The following PTPRT variants were observed in gnomAD, a reference collection of about 807,000 sequenced individuals.
PTPRT encodes protein tyrosine phosphatase receptor type T.
Under a neutral mutation model 176.8 loss-of-function variants are expected in PTPRT, and 56 were observed. That is an observed-to-expected ratio of 0.32 (90% CI 0.26 to 0.40). PTPRT has a LOEUF of 0.40. Ranked by LOEUF, PTPRT falls within the 10% of genes least tolerant of loss-of-function variation. The pLI is 1.00. For missense variants in PTPRT, 1,540 were observed against 1,908.2 expected (o/e 0.81, Z 3.60); for synonymous variants, 783 against 739.0 (o/e 1.06, Z -0.96).
intron 18 of PTPRT, among the ~76,000 whole-genome samples, chr20:42,134,955 T>C (rs928607039): frequency 6.6e-6 from 1 of 152,210 alleles, no homozygotes; most frequent in Non-Finnish European, 1.5e-5. Flanking sequence ...TGCACTGTGT[T>C]CACTCTGACC....
At chr20:42,851,925 A>G (rs1209479899) in intron 2 of PTPRT, among the ~76,000 whole-genome samples, 1 of 152,162 alleles carries the variant, frequency 6.6e-6, no homozygotes, top group Non-Finnish European at 1.5e-5. Context: ...TAATTATATA[A>G]TCTATTATTT....
intron 1 of PTPRT, among the ~76,000 whole-genome samples, chr20:42,948,677 C>T (rs1981040084): frequency 6.6e-6 from 1 of 152,136 alleles, no homozygotes. Flanking sequence ...AAACTGATGA[C>T]CTCATGTGAG....
chr20:42,243,420 G>A (rs745604884), intron 14 of PTPRT, among the ~76,000 whole-genome samples: 7 of 152,184 alleles, frequency 4.6e-5, no homozygotes, highest in Non-Finnish European at 1.0e-4. Flanking sequence ...TGGCTGCAGA[G>A]GAACATCACT....
At chr20:42,669,586 T>A (rs2075378928) in intron 7 of PTPRT, among the ~76,000 whole-genome samples, 1 of 152,180 alleles carries the variant, frequency 6.6e-6, no homozygotes, top group African/African-American at 2.4e-5. Flanking sequence ...CCAAGTTATG[T>A]TCCTCCCATT....
chr20:42,955,041 T>C (rs928729958), intron 1 of PTPRT, among the ~76,000 whole-genome samples: 15 of 151,856 alleles, frequency 9.9e-5, no homozygotes, highest in African/African-American at 3.4e-4. Context: ...CAGAAGCTCA[T>C]TCCCTATGGA....
In PTPRT at chr20:42,481,426, C is replaced by T. The variant is rs62204936; in HGVS notation, c.1154-8864G>A. Among the ~76,000 whole-genome samples the T allele has an allele frequency of 7.8e-3, 1,191 of 152,182 alleles. 11 individuals carry two copies. The highest frequency in any genetic ancestry group is 0.014 in the Middle Eastern group (4 of 294). On this transcript the variant is annotated intron_variant, in intron 7 of 30. Coordinates refer to ENST00000373187, the MANE Select transcript of PTPRT (RefSeq NM_007050.6). ...TATTTTAAAACCATTTTGGCCAACCCACATAGTTTAAATACCTTTCATTTC... is the reference window on the plus strand; with the variant it reads ...TATTTTAAAACCATTTTGGCCAACCTACATAGTTTAAATACCTTTCATTTC...
At chr20:42,352,383 G>C (rs1290297878) in intron 9 of PTPRT, 98 bp from the exon 10 acceptor site, 13 of 1,217,508 alleles carry the variant, frequency 1.1e-5, no homozygotes, top group Non-Finnish European at 1.5e-5. Flanking sequence ...CGGGGGAAGG[G>C]GCAGGCATGT....
chr20:42,355,977 G>T (rs1024877845), intron 9 of PTPRT, among the ~76,000 whole-genome samples: 3 of 152,076 alleles, frequency 2.0e-5, no homozygotes, highest in Non-Finnish European at 1.5e-5. Flanking sequence ...GAAACACTAT[G>T]AATAAATCAA....
At chr20:42,726,414 C>T (rs2076382205) in intron 6 of PTPRT, among the ~76,000 whole-genome samples, 1 of 152,190 alleles carries the variant, frequency 6.6e-6, no homozygotes, top group South Asian at 2.1e-4. Context: ...CATTATTCTG[C>T]TACTACAGGG....
intron 12 of PTPRT, among the ~76,000 whole-genome samples, chr20:42,282,787 G>T (rs6030106): frequency 0.035 from 5,296 of 151,980 alleles, 331 homozygotes; most frequent in African/African-American, 0.12. Context: ...TTCCCAGACA[G>T]AACCACTTTA....
chr20:42,555,440 G>A (rs1216827847), intron 7 of PTPRT, among the ~76,000 whole-genome samples: 1 of 152,154 alleles, frequency 6.6e-6, no homozygotes, highest in Non-Finnish European at 1.5e-5. Context: ...AACATGATGA[G>A]TACGAGAGAA....
chr20:42,166,003 T>C (rs910498364), intron 16 of PTPRT, among the ~76,000 whole-genome samples: 1 of 152,256 alleles, frequency 6.6e-6, no homozygotes, highest in Non-Finnish European at 1.5e-5. Context: ...ACAAAAATTA[T>C]TAATGCTATA....
intron 1 of PTPRT, among the ~76,000 whole-genome samples, chr20:43,018,115 G>T (rs1485935417): frequency 2.6e-5 from 4 of 152,200 alleles, no homozygotes; most frequent in Admixed American, 2.6e-4. Context: ...TTGCCCACGG[G>T]CTCACAGCTT....
chr20:43,060,982 A>G (rs1283083863), intron 1 of PTPRT, among the ~76,000 whole-genome samples: 1 of 152,236 alleles, frequency 6.6e-6, no homozygotes, highest in African/African-American at 2.4e-5. Flanking sequence ...TATTTAAATT[A>G]TACCTCAATA....
intron 12 of PTPRT, among the ~76,000 whole-genome samples, chr20:42,293,117 G>A (rs185968741): frequency 1.3e-5 from 2 of 152,308 alleles, no homozygotes; most frequent in East Asian, 3.9e-4. Context: ...CCAAGGCCAT[G>A]AGCCATACTC....
intron 7 of PTPRT, among the ~76,000 whole-genome samples, chr20:42,586,078 A>C (rs1166084467): frequency 1.3e-5 from 2 of 152,166 alleles, no homozygotes; most frequent in African/African-American, 4.8e-5. Flanking sequence ...AAATTTATAA[A>C]ATAGAAATAT....
rs575987435 is a variant in PTPRT, at chr20:42,933,048, C to T, written c.89-47116G>A. 7.6e-4 allele frequency among the ~76,000 whole-genome samples: 115 copies of T among 152,282 alleles called. 1 individual carries two copies. Among genetic ancestry groups the T allele is most frequent in the African/African-American group, 2.6e-3 (110 of 41,562 alleles). ...TGGACCCATCCCAGGCTCCCTGTTG[C>T]TCTGAGAACAGAATCTAATCTTTAA... On this transcript the variant is annotated intron_variant, in intron 1 of 30. Transcript: ENST00000373187.
chr20:42,372,548 G>A (rs932480208), intron 9 of PTPRT, among the ~76,000 whole-genome samples: 4 of 152,080 alleles, frequency 2.6e-5, no homozygotes, highest in Non-Finnish European at 5.9e-5. Flanking sequence ...GCCTCCCAAA[G>A]TGCTGGGATT....
At chr20:43,013,200 G>A (rs182039809) in intron 1 of PTPRT, among the ~76,000 whole-genome samples, 20 of 151,188 alleles carry the variant, frequency 1.3e-4, no homozygotes, top group African/African-American at 4.9e-4. Context: ...TTATTCTTTT[G>A]GAAGTGAGTT....
Sources: gnomAD v4.1 joint callset for allele counts (sites outside exome capture counted in the v4.1 genomes callset) on GRCh38, gnomAD v4.1.1 for gene constraint, MANE v1.5 for transcripts, NCBI Gene and HGNC (gene_info 2026-07-23, HGNC 2026-07-21) for gene names.